Variants in ASTE1 observed in about 807,000 individuals in gnomAD.
ASTE1 encodes the protein asteroid structure-specific endonuclease 1, also known as single-strand DNA endonuclease ASTE1.
In ASTE1, 49 loss-of-function variants were observed where a neutral mutation model predicts 45.8. The ratio of observed to expected loss-of-function variants is 1.07; its 90% confidence interval spans 0.85 to 1.36. ASTE1 has a LOEUF of 1.36. Among genes scored for constraint, ASTE1 ranks in the 40% most tolerant of loss-of-function variants. The pLI, the probability that ASTE1 is intolerant of heterozygous loss-of-function variation, is 0.00. For synonymous variants in ASTE1, 296 were observed against 303.9 expected (o/e 0.97, Z 0.27); for missense variants, 709 against 804.0 (o/e 0.88, Z 1.43).
In ASTE1 at chr3:131,013,994, G is replaced by T; in HGVS notation, c.*63C>A. On this transcript the variant is annotated 3_prime_UTR_variant, in exon 6 of 6. Transcript: ENST00000264992. ...AGAAAAAGCTAATTGTTTCAAGGGT[G>T]GTAACGGAAGAATTTTAAGTAAGGA... 1 of 1,206,258 alleles carries T rather than the reference G, an allele frequency of 8.3e-7. No homozygotes were observed. Among genetic ancestry groups the T allele is most frequent in the Non-Finnish European group, 1.2e-6 (1 of 865,640 alleles). 74.7% of individuals were successfully genotyped at this position (1,206,258 alleles called of 1,614,324 possible). A position where few individuals can be genotyped will look rare whatever the true frequency, so the allele number is the denominator to read the frequency against.
In ASTE1 at chr3:131,016,189, A is replaced by C. The variant is rs1560056578; in HGVS notation, c.1664T>G (p.Leu555Arg). The C allele has an allele frequency of 6.2e-7, 1 of 1,614,138 alleles. No individual in the cohort carries two copies. Among genetic ancestry groups the C allele is most frequent in the Non-Finnish European group, 8.5e-7 (1 of 1,180,026 alleles). Reference sequence around the variant, plus strand: ...GAGAGGAGTGGACAGCAGCTGGTTGAGATACATCCCCATCTGGAGACAGGA... The same window carrying C: ...GAGAGGAGTGGACAGCAGCTGGTTGCGATACATCCCCATCTGGAGACAGGA... ...WQSCLQMGMYLNQLLSTPLPE... is the reference protein window; with the variant it reads ...WQSCLQMGMYRNQLLSTPLPE... Residue 555 changes from leucine to arginine, a missense_variant, in exon 5 of 6, where the codon CTC becomes CGC. Leu to Arg is a moderately radical substitution (Grantham distance 102, BLOSUM62 -2). Coordinates refer to ENST00000264992, the MANE Select transcript of ASTE1 (RefSeq NM_014065.4).
intron 3 of ASTE1, among the ~76,000 whole-genome samples, chr3:131,019,359 G>A (rs531267189): frequency 2.0e-5 from 3 of 152,292 alleles, no homozygotes; most frequent in Admixed American, 6.5e-5. Context: ...TAGATTAGAG[G>A]TATATTCAAG....
intron 4 of ASTE1, among the ~76,000 whole-genome samples, chr3:131,017,647 A>G (rs544930308): frequency 6.6e-6 from 1 of 152,288 alleles, no homozygotes; most frequent in African/African-American, 2.4e-5. Context: ...ACCTGGTATT[A>G]TATGCAGATG....
At chr3:131,021,643 G>A (rs1026892906) in intron 3 of ASTE1, among the ~76,000 whole-genome samples, 1 of 152,142 alleles carries the variant, frequency 6.6e-6, no homozygotes, top group African/African-American at 2.4e-5. Flanking sequence ...TTATCATGCT[G>A]TACGATTATT....
chr3:131,016,515 ACTGT>A, intron 4 of ASTE1, 176 bp from the exon 5 acceptor site: 1 of 717,316 alleles, frequency 1.4e-6, no homozygotes, highest in Admixed American at 2.9e-5. Context: ...TTGATACTGA[ACTGT>A]CTTTTTAATG....
Position 131,024,823 on chromosome 3 carries a change from C to T in ASTE1, c.484G>A (p.Asp162Asn). ...WNCPVLSSDS[D>N]FCIFDLKTGF... ...GTTTTCAGGTCAAAAATGCAAAAGT[C>T]ACTATCTGATGATAACACAGGGCAA... is the stretch of plus-strand genomic sequence containing the variant. The change falls in exon 3 of 6, where the codon GAC becomes AAC. Residue 162 changes from aspartate to asparagine, a missense_variant. Transcript: ENST00000264992. The T allele has an allele frequency of 6.2e-7, 1 of 1,614,162 alleles. No individual in the cohort carries two copies. The highest frequency in any genetic ancestry group is 8.5e-7 in the Non-Finnish European group (1 of 1,180,036).
intron 3 of ASTE1, among the ~76,000 whole-genome samples, chr3:131,022,908 C>T (rs925730751): frequency 6.6e-6 from 1 of 152,168 alleles, no homozygotes; most frequent in African/African-American, 2.4e-5. Context: ...TGTTATGGGA[C>T]ACTTTCCTGT....
intron 5 of ASTE1, among the ~76,000 whole-genome samples, chr3:131,014,866 C>A (rs2063521675): frequency 6.6e-6 from 1 of 152,152 alleles, no homozygotes; most frequent in African/African-American, 2.4e-5. Flanking sequence ...TAAACTGGTA[C>A]CTTAGCAATC....
chr3:131,016,181 G>C lies in ASTE1; in HGVS notation c.1672C>G (p.Leu558Val). ...GGCTCTGGGAGAGGAGTGGACAGCAGCTGGTTGAGATACATCCCCATCTGG... is the reference window on the plus strand; with the variant it reads ...GGCTCTGGGAGAGGAGTGGACAGCACCTGGTTGAGATACATCCCCATCTGG... ...CLQMGMYLNQ[L>V]LSTPLPEPDL... Residue 558 changes from leucine to valine, a missense_variant, in exon 5 of 6, where the codon CTG becomes GTG. Coordinates refer to ENST00000264992, the MANE Select transcript of ASTE1 (RefSeq NM_014065.4). The C allele has an allele frequency of 1.9e-6, 3 of 1,614,120 alleles. No homozygotes were observed. Among genetic ancestry groups the C allele is most frequent in the Non-Finnish European group, 2.5e-6 (3 of 1,180,034 alleles).
chr3:131,022,433 G>A (rs2063754243), intron 3 of ASTE1, among the ~76,000 whole-genome samples: 1 of 151,908 alleles, frequency 6.6e-6, no homozygotes, highest in South Asian at 2.1e-4. Flanking sequence ...CTGGGCTCGA[G>A]CAATCCTCCA....
At chr3:131,022,937 G>A (rs1038203198) in intron 3 of ASTE1, among the ~76,000 whole-genome samples, 1 of 152,104 alleles carries the variant, frequency 6.6e-6, no homozygotes, top group African/African-American at 2.4e-5. Flanking sequence ...AGACTTACAG[G>A]TTGTAAAATT....
intron 3 of ASTE1, among the ~76,000 whole-genome samples, chr3:131,023,071 C>T (rs760437420): frequency 1.6e-4 from 24 of 152,208 alleles, no homozygotes; most frequent in Admixed American, 5.2e-4. Context: ...GACAAAATCA[C>T]CAATGGTGAT....
intron 3 of ASTE1, among the ~76,000 whole-genome samples, chr3:131,020,474 C>T (rs928349662): frequency 1.5e-4 from 23 of 152,310 alleles, no homozygotes; most frequent in African/African-American, 5.3e-4. Flanking sequence ...TATGATTAAC[C>T]TCCCATTGGT....
intron 5 of ASTE1, 127 bp from the exon 6 acceptor site, chr3:131,014,514 G>A (rs2063496262): frequency 9.0e-6 from 8 of 890,320 alleles, no homozygotes; most frequent in East Asian, 5.6e-5. Flanking sequence ...TAATATTATC[G>A]AAATTACTTA....
intron 5 of ASTE1, 120 bp from the exon 6 acceptor site, chr3:131,014,507 T>A: frequency 2.1e-6 from 2 of 940,242 alleles, no homozygotes; most frequent in Non-Finnish European, 3.1e-6. Flanking sequence ...TGCTCTATAA[T>A]ATTATCGAAA....
chr3:131,025,947 C>A (rs1446730919), intron 1 of ASTE1, among the ~76,000 whole-genome samples: 2 of 152,296 alleles, frequency 1.3e-5, no homozygotes, highest in South Asian at 4.1e-4. Context: ...CCCCTCTATC[C>A]AGTTACACCC....
Position 131,024,596 on chromosome 3 carries a change from A to G in ASTE1, c.711T>C (p.Ser237=), listed in dbSNP as rs1308848382. 7.4e-6 allele frequency: 12 copies of G among 1,612,084 alleles called. No individual in the cohort carries two copies. Among genetic ancestry groups the G allele is most frequent in the Non-Finnish European group, 1.0e-5 (12 of 1,178,932 alleles). ...VNLPIMETFL[S]KARLPLGATS... is the part of the protein sequence containing the mutation. ...TAGCTCCAAGAGGAAGACGCGCTTT[A>G]CTTAAGAATGTCTCCATGATGGGTA... The change falls in exon 3 of 6, where the codon AGT becomes AGC. Residue 237 remains serine, a synonymous_variant. Transcript: ENST00000264992.
chr3:131,021,371 T>C (rs2063740292), intron 3 of ASTE1, among the ~76,000 whole-genome samples: 1 of 152,092 alleles, frequency 6.6e-6, no homozygotes, highest in Non-Finnish European at 1.5e-5. Flanking sequence ...TATACCAAAA[T>C]AGAAAAATGT....
Position 131,017,530 on chromosome 3 carries a change from A to G in ASTE1, c.1513+976T>C, listed in dbSNP as rs558305142. ...CCACCATATTAGATAGTACTATTCC[A>G]GAGTATAATTATTATGCATGTTTAT... is the stretch of plus-strand genomic sequence containing the variant. On this transcript the variant is annotated intron_variant, in intron 4 of 5. Coordinates refer to ENST00000264992, the MANE Select transcript of ASTE1 (RefSeq NM_014065.4). Among the ~76,000 whole-genome samples the G allele has an allele frequency of 2.6e-5, 4 of 152,352 alleles. No homozygotes were observed. In the South Asian group the frequency reaches 6.2e-4, roughly 24 times the overall value.
Sources: gnomAD v4.1 joint callset for allele counts (sites outside exome capture counted in the v4.1 genomes callset) on GRCh38, gnomAD v4.1.1 for gene constraint, MANE v1.5 for transcripts, NCBI Gene and HGNC (gene_info 2026-07-23, HGNC 2026-07-21) for gene names.